The following LRP1B variants were observed in gnomAD, a reference collection of about 807,000 sequenced individuals.
The protein encoded by LRP1B is low-density lipoprotein receptor-related protein 1B.
LRP1B carries 217 observed loss-of-function variants against 556.6 expected under a neutral mutation model. The observed-to-expected ratio is 0.39, with a 90% CI of 0.35 to 0.44. The LOEUF is 0.44. Ranked by LOEUF, LRP1B falls within the 20% of genes least tolerant of loss-of-function variation. The pLI is 1.00. For missense variants in LRP1B, 5,053 were observed against 5,620.8 expected, an observed-to-expected ratio of 0.90 and a Z score of 3.23; for synonymous variants, 2,047 against 1,865.8, an observed-to-expected ratio of 1.10 and a Z score of -2.50.
At chr2:141,132,636 C>T (rs1031420555) in intron 7 of LRP1B, among the ~76,000 whole-genome samples, 4 of 151,938 alleles carry the variant, frequency 2.6e-5, no homozygotes, top group East Asian at 1.9e-4. Flanking sequence ...AGAACAAAAT[C>T]GCCAGTATAT....
intron 1 of LRP1B, among the ~76,000 whole-genome samples, chr2:141,885,544 C>G (rs1352053851): frequency 6.6e-6 from 1 of 152,140 alleles, no homozygotes; most frequent in Non-Finnish European, 1.5e-5. Flanking sequence ...GAGGTGCTGG[C>G]ATGGTGGTGG....
intron 6 of LRP1B, among the ~76,000 whole-genome samples, chr2:141,205,813 T>G (rs1030945551): frequency 6.6e-6 from 1 of 152,170 alleles, no homozygotes; most frequent in Non-Finnish European, 1.5e-5. Flanking sequence ...TATCTCCCTT[T>G]GAGATAATAA....
chr2:140,784,421 C>CAA (rs1246358415), intron 32 of LRP1B, among the ~76,000 whole-genome samples: 3 of 146,482 alleles, frequency 2.0e-5, no homozygotes, highest in African/African-American at 7.7e-5. Context: ...CACACACACA[C>CAA]AAAAGGCTCA....
chr2:140,813,183 A>G (rs1313124251), intron 32 of LRP1B, among the ~76,000 whole-genome samples: 1 of 152,108 alleles, frequency 6.6e-6, no homozygotes, highest in Non-Finnish European at 1.5e-5. Flanking sequence ...TAAAATCTCT[A>G]CTCACTCCAA....
chr2:140,784,789 T>C (rs1022934787), intron 32 of LRP1B, among the ~76,000 whole-genome samples: 2 of 151,886 alleles, frequency 1.3e-5, no homozygotes, highest in African/African-American at 2.4e-5. Flanking sequence ...AAAATGCTGA[T>C]AGAAAGTTTA....
intron 1 of LRP1B, among the ~76,000 whole-genome samples, chr2:141,888,471 T>C (rs926010714): frequency 6.6e-6 from 1 of 152,186 alleles, no homozygotes; most frequent in Non-Finnish European, 1.5e-5. Context: ...CCTGAATCAA[T>C]GTCCCTGGAT....
At chr2:140,465,449 C>T (rs1418647645) in intron 60 of LRP1B, among the ~76,000 whole-genome samples, 4 of 152,026 alleles carry the variant, frequency 2.6e-5, no homozygotes, top group African/African-American at 9.7e-5. Flanking sequence ...GCCAAATTCC[C>T]GTTAAGAAAT....
At chr2:140,252,076 A>G (rs1404192655) in intron 86 of LRP1B, among the ~76,000 whole-genome samples, 62 of 133,768 alleles carry the variant, frequency 4.6e-4, no homozygotes, top group South Asian at 7.2e-4. Context: ...AAAAAAAAAA[A>G]AAAAAAAAAA....
At chr2:141,970,398 C>T (rs761218395) in intron 1 of LRP1B, among the ~76,000 whole-genome samples, 16 of 151,402 alleles carry the variant, frequency 1.1e-4, no homozygotes, top group Non-Finnish European at 1.6e-4. Context: ...TTCAGTGATA[C>T]GATGAATGAT....
intron 84 of LRP1B, among the ~76,000 whole-genome samples, chr2:140,293,661 C>T (rs1372700654): frequency 6.6e-6 from 1 of 152,100 alleles, no homozygotes; most frequent in African/African-American, 2.4e-5. Flanking sequence ...AACACCAGGT[C>T]CACTGAACCT....
chr2:140,905,928 C>A (rs1208767511), intron 22 of LRP1B, among the ~76,000 whole-genome samples: 2 of 152,064 alleles, frequency 1.3e-5, no homozygotes, highest in African/African-American at 4.8e-5. Context: ...AAATCCGTTT[C>A]TTTTGAAATT....
chr2:140,701,658 T>C, intron 40 of LRP1B, 63 bp downstream of exon 40: 3 of 1,497,898 alleles, frequency 2.0e-6, no homozygotes, highest in Non-Finnish European at 2.7e-6. Flanking sequence ...TGACAATGTT[T>C]TTAAAAATTG....
chr2:141,304,006 AT>A (rs1419904802), intron 3 of LRP1B, among the ~76,000 whole-genome samples: 2 of 152,092 alleles, frequency 1.3e-5, no homozygotes, highest in East Asian at 3.8e-4. Flanking sequence ...CATTTCCCTG[AT>A]GATTAGTGAT....
At chr2:141,302,003 A>G (rs1448140445) in intron 3 of LRP1B, among the ~76,000 whole-genome samples, 1 of 152,222 alleles carries the variant, frequency 6.6e-6, no homozygotes, top group African/African-American at 2.4e-5. Context: ...AATAACAACA[A>G]TTAAACAAAA....
chr2:141,467,875 T>C (rs1375145312), intron 3 of LRP1B, among the ~76,000 whole-genome samples: 1 of 148,226 alleles, frequency 6.7e-6, no homozygotes, highest in Non-Finnish European at 1.5e-5. Context: ...GTGTAGCACA[T>C]ACTATCCCTA....
chr2:141,298,950 A>C (rs1217034998), intron 3 of LRP1B, among the ~76,000 whole-genome samples: 9 of 108,406 alleles, frequency 8.3e-5, no homozygotes, highest in Admixed American at 7.9e-4. Flanking sequence ...GCAAAACTCC[A>C]TCTTAAAAAA....
intron 3 of LRP1B, among the ~76,000 whole-genome samples, chr2:141,365,379 C>T (rs893184298): frequency 6.6e-6 from 1 of 151,898 alleles, no homozygotes; most frequent in African/African-American, 2.4e-5. Flanking sequence ...AGAAAGCATG[C>T]TTGCATTTAT....
At chr2:140,275,457 G>A (rs753539497) in intron 84 of LRP1B, among the ~76,000 whole-genome samples, 23 of 151,886 alleles carry the variant, frequency 1.5e-4, no homozygotes, top group Non-Finnish European at 2.2e-4. Flanking sequence ...CTGTAATGAC[G>A]GTCTCAAGTA....
At chr2:141,203,249 T>C (rs1159650335) in intron 6 of LRP1B, among the ~76,000 whole-genome samples, 6 of 151,710 alleles carry the variant, frequency 4.0e-5, no homozygotes, top group Non-Finnish European at 7.4e-5. Flanking sequence ...AGTGGCAAAT[T>C]GGAAAAAGAG....
Sources: gnomAD v4.1 joint callset for allele counts (sites outside exome capture counted in the v4.1 genomes callset) on GRCh38, gnomAD v4.1.1 for gene constraint, MANE v1.5 for transcripts, NCBI Gene and HGNC (gene_info 2026-07-23, HGNC 2026-07-21) for gene names.